The following HEMK2 variants were observed in gnomAD, a reference collection of about 807,000 sequenced individuals.
HEMK2 encodes the protein HemK methyltransferase 2, ETF1 glutamine and histone H4 lysine.
the HEMK2 span, among the ~76,000 whole-genome samples, chr21:28,731,441 T>C: frequency 6.6e-6 from 1 of 152,150 alleles, no homozygotes; most frequent in Non-Finnish European, 1.5e-5. Context: ...CATGAAAATA[T>C]CCCATTTCAG....
At chr21:28,791,919 C>G in the HEMK2 span, among the ~76,000 whole-genome samples, 1 of 151,982 alleles carries the variant, frequency 6.6e-6, no homozygotes, top group Non-Finnish European at 1.5e-5. Context: ...AAAGACCTTG[C>G]TGATAAACCA....
At chr21:28,845,507 A>G in the HEMK2 span, among the ~76,000 whole-genome samples, 1 of 152,040 alleles carries the variant, frequency 6.6e-6, no homozygotes, top group Non-Finnish European at 1.5e-5. Flanking sequence ...TTATACACTC[A>G]CTAGGTGTGT....
chr21:28,749,761 G>A, the HEMK2 span, among the ~76,000 whole-genome samples: 3 of 152,254 alleles, frequency 2.0e-5, no homozygotes, highest in South Asian at 6.2e-4. Flanking sequence ...ATGGCTCTCG[G>A]CCAATTTAAC....
the HEMK2 span, among the ~76,000 whole-genome samples, chr21:28,588,544 G>A: frequency 1.3e-5 from 2 of 152,164 alleles, no homozygotes; most frequent in Admixed American, 6.5e-5. Context: ...GATTGTTGGG[G>A]TGGAGAATTC....
At chr21:28,606,739 A>C in the HEMK2 span, among the ~76,000 whole-genome samples, 1 of 152,230 alleles carries the variant, frequency 6.6e-6, no homozygotes, top group Non-Finnish European at 1.5e-5. Context: ...GTGATAAATA[A>C]GACAGAAAAG....
the HEMK2 span, among the ~76,000 whole-genome samples, chr21:28,720,707 T>C: frequency 6.6e-6 from 1 of 152,084 alleles, no homozygotes. Context: ...CACTCCAGCC[T>C]GGGCAACAAG....
the HEMK2 span, among the ~76,000 whole-genome samples, chr21:28,731,991 C>G: frequency 3.9e-5 from 6 of 152,202 alleles, no homozygotes; most frequent in Non-Finnish European, 7.3e-5. Flanking sequence ...GTACGTGTCA[C>G]TCCTAGAAAC....
chr21:28,826,486 A>C, the HEMK2 span, among the ~76,000 whole-genome samples: 1 of 152,312 alleles, frequency 6.6e-6, no homozygotes, highest in South Asian at 2.1e-4. Flanking sequence ...GAGTTATTTC[A>C]AATCTCTTTC....
the HEMK2 span, among the ~76,000 whole-genome samples, chr21:28,594,546 A>T: frequency 6.6e-6 from 1 of 152,180 alleles, no homozygotes; most frequent in Non-Finnish European, 1.5e-5. Flanking sequence ...CATGCTCTTA[A>T]ACCTAGGCAA....
At chr21:28,782,660 G>C in the HEMK2 span, among the ~76,000 whole-genome samples, 42 of 152,280 alleles carry the variant, frequency 2.8e-4, no homozygotes, top group South Asian at 1.2e-3. Flanking sequence ...ACTGTTAAAT[G>C]TTTAAATTTT....
the HEMK2 span, among the ~76,000 whole-genome samples, chr21:28,867,213 A>G: frequency 2.0e-5 from 3 of 152,242 alleles, no homozygotes; most frequent in Non-Finnish European, 4.4e-5. Flanking sequence ...AACATTATTC[A>G]TAATAGTGAA....
chr21:28,782,914 T>A, the HEMK2 span, among the ~76,000 whole-genome samples: 5 of 152,310 alleles, frequency 3.3e-5, no homozygotes, highest in African/African-American at 1.2e-4. Flanking sequence ...GGCCAATCTC[T>A]CTATAAATTA....
chr21:28,819,621 A>G, the HEMK2 span, among the ~76,000 whole-genome samples: 1 of 139,350 alleles, frequency 7.2e-6, no homozygotes, highest in African/African-American at 2.7e-5. Flanking sequence ...ATCTCGGCTC[A>G]CTGCAACCTC....
At chr21:28,597,674 C>A in the HEMK2 span, among the ~76,000 whole-genome samples, 14 of 152,094 alleles carry the variant, frequency 9.2e-5, no homozygotes, top group Non-Finnish European at 1.6e-4. Flanking sequence ...CAGTCATGCA[C>A]CAAGGACACT....
chr21:28,745,486 C>T, the HEMK2 span, among the ~76,000 whole-genome samples: 4 of 152,192 alleles, frequency 2.6e-5, no homozygotes, highest in African/African-American at 9.7e-5. Flanking sequence ...GAGGGCTCAG[C>T]TTTGACCTCT....
the HEMK2 span, among the ~76,000 whole-genome samples, chr21:28,833,846 G>A: frequency 6.6e-6 from 1 of 152,146 alleles, no homozygotes; most frequent in Admixed American, 6.5e-5. Context: ...GTATAGCAAC[G>A]ATATCTACCT....
chr21:28,810,752 CA>C, the HEMK2 span, among the ~76,000 whole-genome samples: 1 of 152,142 alleles, frequency 6.6e-6, no homozygotes, highest in Non-Finnish European at 1.5e-5. Flanking sequence ...CTCATTCTTC[CA>C]CAGTATTCTC....
chr21:28,644,028 T>C, the HEMK2 span, among the ~76,000 whole-genome samples: 4 of 152,260 alleles, frequency 2.6e-5, no homozygotes, highest in East Asian at 1.9e-4. Flanking sequence ...CCCAATTCCA[T>C]TGACATGAAT....
chr21:28,687,485 G>A, the HEMK2 span, among the ~76,000 whole-genome samples: 1 of 152,212 alleles, frequency 6.6e-6, no homozygotes. Flanking sequence ...TATTTGCAGT[G>A]TGTTTTTAAA....
Sources: gnomAD v4.1 joint callset for allele counts (sites outside exome capture counted in the v4.1 genomes callset) on GRCh38, gnomAD v4.1.1 for gene constraint, MANE v1.5 for transcripts, NCBI Gene and HGNC (gene_info 2026-07-23, HGNC 2026-07-21) for gene names.